The following PRKCB variants were observed in gnomAD, a reference collection of about 807,000 sequenced individuals.
PRKCB encodes the protein protein kinase C beta.
PRKCB carries 13 observed loss-of-function variants against 81.5 expected under a neutral mutation model. The ratio of observed to expected loss-of-function variants is 0.16; its 90% CI spans 0.10 to 0.25. PRKCB has a LOEUF of 0.25. PRKCB is among the 10% of genes least tolerant of loss of function. PRKCB has a pLI of 1.00. For missense variants in PRKCB, 509 were observed against 875.7 expected (o/e 0.58, Z 5.29); for synonymous variants, 335 against 321.4 (o/e 1.04, Z -0.45).
intron 2 of PRKCB, among the ~76,000 whole-genome samples, chr16:23,954,765 A>C (rs196004): frequency 0.56 from 84,947 of 152,020 alleles, 24,330 homozygotes; most frequent in Non-Finnish European, 0.63. Flanking sequence ...AGAGTAAATG[A>C]GTCAAGCTGG....
chr16:24,088,752 C>T (rs1353297846), intron 5 of PRKCB, among the ~76,000 whole-genome samples: 1 of 150,774 alleles, frequency 6.6e-6, no homozygotes, highest in Non-Finnish European at 1.5e-5. Context: ...TCTTAAACCA[C>T]GAGTCTTGAG....
Position 24,218,268 on chromosome 16 carries a change from C to T in PRKCB, c.*3452C>T, listed in dbSNP as rs1454401512. 2 of 985,114 alleles carry T rather than the reference C, an allele frequency of 2.0e-6. No individual in the cohort carries two copies. The highest frequency in any genetic ancestry group is 1.7e-5 in the African/African-American group (1 of 57,166). The allele number at this position is 985,114 out of a possible 1,614,324, so 61.0% of individuals were successfully genotyped here. Reference sequence around the variant, plus strand: ...TTGTGGGGATTGGGAGAGAGATGCACAGACAATATTAAAGAGGAGGCATTC... The same window carrying T: ...TTGTGGGGATTGGGAGAGAGATGCATAGACAATATTAAAGAGGAGGCATTC... On this transcript the variant is annotated 3_prime_UTR_variant, in exon 17 of 17. Transcript: ENST00000643927.
chr16:24,074,052 A>G (rs747173822), intron 5 of PRKCB, among the ~76,000 whole-genome samples: 4 of 151,872 alleles, frequency 2.6e-5, no homozygotes, highest in Non-Finnish European at 5.9e-5. Context: ...GGAGAATGGC[A>G]TGAACTCAGG....
intron 1 of PRKCB, among the ~76,000 whole-genome samples, chr16:23,836,576 C>T (rs111234195): frequency 6.6e-6 from 1 of 152,108 alleles, no homozygotes; most frequent in African/African-American, 2.4e-5. Flanking sequence ...GCCTCCTGCC[C>T]TCTCCTGCTC....
At chr16:24,019,042 C>A (rs185774282) in intron 3 of PRKCB, among the ~76,000 whole-genome samples, 411 of 152,122 alleles carry the variant, frequency 2.7e-3, no homozygotes, top group African/African-American at 9.0e-3. Context: ...TTTTGTAATA[C>A]CCAGATAAAC....
intron 2 of PRKCB, 106 bp from the exon 3 acceptor site, chr16:23,988,402 C>A (rs1483056950): frequency 1.2e-6 from 1 of 853,462 alleles, no homozygotes; most frequent in Non-Finnish European, 1.9e-6. Flanking sequence ...AAAGGCTTTA[C>A]TTGTTGGTGA....
intron 2 of PRKCB, among the ~76,000 whole-genome samples, chr16:23,944,684 T>A (rs1267725034): frequency 6.6e-6 from 1 of 152,124 alleles, no homozygotes; most frequent in Non-Finnish European, 1.5e-5. Flanking sequence ...CCACTTTGGG[T>A]GGCTGGAAAA....
chr16:23,894,728 C>G (rs897684442), intron 2 of PRKCB, among the ~76,000 whole-genome samples: 1 of 152,088 alleles, frequency 6.6e-6, no homozygotes, highest in Non-Finnish European at 1.5e-5. Context: ...TTGTAAAAAC[C>G]TGAAGCAATG....
chr16:24,044,580 G>C (rs989884387), intron 5 of PRKCB, among the ~76,000 whole-genome samples: 49 of 152,230 alleles, frequency 3.2e-4, no homozygotes, highest in African/African-American at 1.1e-3. Flanking sequence ...CAATGGGTTA[G>C]AGCTACAGAT....
intron 8 of PRKCB, among the ~76,000 whole-genome samples, chr16:24,114,067 A>T (rs1966709402): frequency 6.6e-6 from 1 of 151,220 alleles, no homozygotes; most frequent in African/African-American, 2.4e-5. Context: ...AAATACAAAA[A>T]AATTAGCTAG....
At chr16:23,959,172 AC>A (rs748532954) in intron 2 of PRKCB, among the ~76,000 whole-genome samples, 1 of 151,898 alleles carries the variant, frequency 6.6e-6, no homozygotes, top group Admixed American at 6.6e-5. Context: ...TACATCCCTT[AC>A]CCCCTGTGGA....
At chr16:24,021,072 C>CTCCTTTCT in intron 3 of PRKCB, among the ~76,000 whole-genome samples, 4,824 of 93,878 alleles carry the variant, frequency 0.051, 369 homozygotes, top group Non-Finnish European at 0.08. Flanking sequence ...CCCTCCCTCC[C>CTCCTTTCT]TTCTTTCTTT....
intron 8 of PRKCB, among the ~76,000 whole-genome samples, chr16:24,123,344 C>T (rs1966824376): frequency 1.3e-5 from 2 of 152,132 alleles, no homozygotes. Context: ...AAGAAGCACC[C>T]TAGCAATGAT....
chr16:24,192,087 C>A (rs928745616), intron 16 of PRKCB, among the ~76,000 whole-genome samples: 1 of 152,120 alleles, frequency 6.6e-6, no homozygotes, highest in African/African-American at 2.4e-5. Flanking sequence ...TGAAACCTAA[C>A]GTTGTAAGGG....
Position 24,196,345 on chromosome 16 carries a change from G to A in PRKCB, c.1863+5115G>A, listed in dbSNP as rs191335517. ...TTTTTCTTATGTACAGCAGGGTATC[G>A]CAAATAAATTGGTTGTTGTGTAAGT... is the stretch of plus-strand genomic sequence containing the variant. On this transcript the variant is annotated intron_variant, in intron 16 of 16. Coordinates refer to ENST00000643927, the MANE Select transcript of PRKCB (RefSeq NM_002738.7). Among the ~76,000 whole-genome samples, 63 of 152,290 alleles carry A rather than the reference G, an allele frequency of 4.1e-4. No individual in the cohort carries two copies. The East Asian group carries it at 0.011, about 26-fold the overall frequency.
intron 15 of PRKCB, among the ~76,000 whole-genome samples, chr16:24,186,003 C>T (rs1055672293): frequency 2.0e-5 from 3 of 152,172 alleles, no homozygotes; most frequent in African/African-American, 7.2e-5. Context: ...AAAAATACCA[C>T]GCCGTGTTGA....
intron 5 of PRKCB, among the ~76,000 whole-genome samples, chr16:24,065,847 G>GA (rs1221127970): frequency 8.6e-5 from 13 of 151,858 alleles, no homozygotes; most frequent in African/African-American, 2.4e-4. Context: ...CATCTCTGGG[G>GA]AAAAAAAATC....
chr16:23,938,220 G>A (rs763107445), intron 2 of PRKCB, among the ~76,000 whole-genome samples: 2 of 152,172 alleles, frequency 1.3e-5, no homozygotes, highest in South Asian at 2.1e-4. Context: ...ATGCAGCTGC[G>A]TTTACAGAGT....
At chr16:23,903,083 A>G (rs1963508169) in intron 2 of PRKCB, among the ~76,000 whole-genome samples, 1 of 146,428 alleles carries the variant, frequency 6.8e-6, no homozygotes, top group Non-Finnish European at 1.5e-5. Flanking sequence ...CTCCTGCTTC[A>G]GCCTCCCCAA....
Sources: gnomAD v4.1 joint callset for allele counts (sites outside exome capture counted in the v4.1 genomes callset) on GRCh38, gnomAD v4.1.1 for gene constraint, MANE v1.5 for transcripts, NCBI Gene and HGNC (gene_info 2026-07-23, HGNC 2026-07-21) for gene names.